TLE1: variants seen among roughly 807,000 people sequenced by gnomAD.
The protein encoded by TLE1 is TLE family member 1, transcriptional corepressor.
TLE1 carries 21 observed loss-of-function variants against 89.8 expected under a neutral mutation model. The observed-to-expected ratio is 0.23, with a 90% CI of 0.17 to 0.34. TLE1 has a LOEUF of 0.34. Among genes scored for constraint, TLE1 ranks in the 10% least tolerant of loss-of-function variants. The pLI is 1.00. For missense variants in TLE1, 795 were observed against 1,031.2 expected (o/e 0.77, Z 3.14); for synonymous variants, 447 against 407.6 (o/e 1.10, Z -1.16).
At chr9:81,666,262 C>T (rs1323305850) in intron 4 of TLE1, among the ~76,000 whole-genome samples, 1 of 152,044 alleles carries the variant, frequency 6.6e-6, no homozygotes, top group Non-Finnish European at 1.5e-5. Context: ...AGATCATCAC[C>T]GTGAAGTCAT....
intron 15 of TLE1, among the ~76,000 whole-genome samples, chr9:81,592,165 T>C (rs1451681946): frequency 6.6e-6 from 1 of 152,220 alleles, no homozygotes; most frequent in African/African-American, 2.4e-5. Flanking sequence ...GAGACCATTC[T>C]GGCTAACATG....
chr9:81,645,799 C>G (rs1222983523), intron 6 of TLE1, among the ~76,000 whole-genome samples: 1 of 152,036 alleles, frequency 6.6e-6, no homozygotes, highest in Non-Finnish European at 1.5e-5. Context: ...GATAGATACC[C>G]CATTCTTTAT....
chr9:81,621,353 G>T (rs1825230223), intron 8 of TLE1, among the ~76,000 whole-genome samples: 1 of 152,140 alleles, frequency 6.6e-6, no homozygotes, highest in African/African-American at 2.4e-5. Flanking sequence ...TCTCCCCTCA[G>T]GCTAAAGCAT....
rs140689682 is a variant in TLE1, at chr9:81,660,978, C to CACACACACACACACACACACA, written c.235-6943_235-6942insTGTGTGTGTGTGTGTGTGTGT. 1.6e-4 allele frequency among the ~76,000 whole-genome samples: 20 copies of CACACACACACACACACACACA among 121,830 alleles called. 2 individuals carry two copies. The highest frequency in any genetic ancestry group is 2.1e-4 in the Non-Finnish European group (12 of 56,636). 79.9% of individuals were successfully genotyped at this position (121,830 alleles called of 152,430 possible). A position where few individuals can be genotyped will look rare whatever the true frequency, so the allele number is the denominator to read the frequency against. ...ACACACACACACACACACACACACA[C>CACACACACACACACACACACA]ATTTAGCCTGGCGTGGTGGCACGTG... On this transcript the variant is annotated intron_variant, in intron 4 of 19. Coordinates refer to ENST00000376499, the MANE Select transcript of TLE1 (RefSeq NM_005077.5).
chr9:81,640,482 C>T (rs1317371704), intron 6 of TLE1, among the ~76,000 whole-genome samples: 1 of 151,716 alleles, frequency 6.6e-6, no homozygotes, highest in African/African-American at 2.4e-5. Context: ...GTTCTGGGGC[C>T]CTAAAGGGAA....
chr9:81,584,545 T>C (rs767854001), intron 18 of TLE1, 21 bp from the exon 19 acceptor site: 2 of 1,611,442 alleles, frequency 1.2e-6, no homozygotes, highest in South Asian at 1.1e-5. Flanking sequence ...CAAAGGAATA[T>C]CTAGTTTTCA....
intron 9 of TLE1, among the ~76,000 whole-genome samples, chr9:81,617,133 CAAAAAAA>C (rs56692367): frequency 3.2e-5 from 4 of 124,190 alleles, no homozygotes; most frequent in Non-Finnish European, 7.2e-5. Flanking sequence ...CTAGTTAATG[CAAAAAAA>C]AAAAAAAAAA....
intron 17 of TLE1, among the ~76,000 whole-genome samples, chr9:81,586,901 T>C (rs1010356153): frequency 6.6e-6 from 1 of 152,214 alleles, no homozygotes; most frequent in Admixed American, 6.5e-5. Flanking sequence ...TAGAAGTATA[T>C]ATGCTTGTTT....
At chr9:81,671,501 A>G (rs1386211353) in intron 4 of TLE1, among the ~76,000 whole-genome samples, 1 of 151,646 alleles carries the variant, frequency 6.6e-6, no homozygotes, top group African/African-American at 2.4e-5. Flanking sequence ...AAAAATTAGC[A>G]GGGCGTGGTG....
chr9:81,680,735 G>A (rs774904987), intron 4 of TLE1, among the ~76,000 whole-genome samples: 9 of 151,768 alleles, frequency 5.9e-5, no homozygotes, highest in Non-Finnish European at 1.3e-4. Context: ...GCAAAGAACA[G>A]GCCTGGCTAA....
At chr9:81,673,216 T>C (rs536327001) in intron 4 of TLE1, among the ~76,000 whole-genome samples, 1 of 136,510 alleles carries the variant, frequency 7.3e-6, no homozygotes, top group African/African-American at 2.8e-5. Context: ...GAGGTTGCAG[T>C]GAACCAAGAT....
At chr9:81,592,255 G>A (rs1829647997) in intron 15 of TLE1, among the ~76,000 whole-genome samples, 1 of 152,228 alleles carries the variant, frequency 6.6e-6, no homozygotes, top group Non-Finnish European at 1.5e-5. Context: ...CTACTTGGGA[G>A]GCTGAGGCAG....
At chr9:81,678,888 G>A (rs1833239626) in intron 4 of TLE1, among the ~76,000 whole-genome samples, 1 of 151,808 alleles carries the variant, frequency 6.6e-6, no homozygotes, top group Non-Finnish European at 1.5e-5. Context: ...CACCTGTAAT[G>A]CCAACACTTT....
intron 4 of TLE1, among the ~76,000 whole-genome samples, chr9:81,668,096 C>T (rs1230281547): frequency 6.6e-6 from 1 of 151,476 alleles, no homozygotes; most frequent in African/African-American, 2.4e-5. Flanking sequence ...ACCCAGGAGA[C>T]GGAGGTCGCG....
chr9:81,661,526 T>C (rs571969127), intron 4 of TLE1, among the ~76,000 whole-genome samples: 2 of 152,222 alleles, frequency 1.3e-5, no homozygotes, highest in Non-Finnish European at 2.9e-5. Context: ...TGCAAATTGA[T>C]GGATCATAAA....
intron 14 of TLE1, 98 bp from the exon 15 acceptor site, chr9:81,593,372 A>C (rs1177006483): frequency 1.4e-6 from 2 of 1,408,096 alleles, no homozygotes; most frequent in Non-Finnish European, 1.9e-6. Context: ...AAGATGAAAA[A>C]AAGGAAAGAT....
At chr9:81,668,838 A>T (rs1184089206) in intron 4 of TLE1, among the ~76,000 whole-genome samples, 1 of 152,228 alleles carries the variant, frequency 6.6e-6, no homozygotes, top group African/African-American at 2.4e-5. Flanking sequence ...GATAATGGAA[A>T]CAAGAACAAT....
At chr9:81,616,952 T>C (rs1824596929) in intron 9 of TLE1, among the ~76,000 whole-genome samples, 1 of 152,142 alleles carries the variant, frequency 6.6e-6, no homozygotes, top group Non-Finnish European at 1.5e-5. Flanking sequence ...CAATCACAAC[T>C]TGTTTACAGG....
chr9:81,612,225 G>T, intron 12 of TLE1: 2 of 909,518 alleles, frequency 2.2e-6, no homozygotes, highest in Admixed American at 4.5e-5. Flanking sequence ...AGGAAGCCAG[G>T]GGAATTAAGA....
Sources: allele counts gnomAD v4.1 joint callset (sites outside exome capture counted in the v4.1 genomes callset), GRCh38; gene constraint gnomAD v4.1.1; transcripts MANE v1.5; gene names NCBI Gene and HGNC (gene_info 2026-07-23, HGNC 2026-07-21).